The following KCNU1 variants were observed in gnomAD, a reference collection of about 807,000 sequenced individuals.
KCNU1 encodes potassium channel subfamily U member 1.
Under a neutral mutation model 126.8 loss-of-function variants are expected in KCNU1, and 93 were observed. The ratio of observed to expected loss-of-function variants is 0.73; its 90% CI spans 0.62 to 0.87. KCNU1 has a LOEUF of 0.87. KCNU1 is among the 40% of genes least tolerant of loss of function. The pLI, the probability that KCNU1 is intolerant of heterozygous loss-of-function variation, is 0.00. For synonymous variants in KCNU1, 523 were observed against 494.2 expected (o/e 1.06, Z -0.77); for missense variants, 1,330 against 1,367.1 (o/e 0.97, Z 0.43).
chr8:36,872,998 G>T (rs1806156720), intron 19 of KCNU1, among the ~76,000 whole-genome samples: 1 of 152,124 alleles, frequency 6.6e-6, no homozygotes, highest in African/African-American at 2.4e-5. Flanking sequence ...AAAATCACTT[G>T]AACCTGGGAG....
At chr8:36,856,138 G>A (rs1359348715) in intron 18 of KCNU1, among the ~76,000 whole-genome samples, 2 of 152,062 alleles carry the variant, frequency 1.3e-5, no homozygotes, top group East Asian at 3.8e-4. Context: ...TTTGTTTATG[G>A]ATAATGTTTC....
Position 36,845,605 on chromosome 8 carries a change from CAAGTGAGGATACGT to C in KCNU1, c.1733_1746del (p.Val578GlufsTer9). The C allele has an allele frequency of 6.2e-7, 1 of 1,608,376 alleles. No individual in the cohort carries two copies. The highest frequency in any genetic ancestry group is 8.5e-7 in the Non-Finnish European group (1 of 1,175,010). ...TGGTCTGATACTAAATCCACCTCCA[CAAGTGAGGATACGT>C]AAGAACACATTAGGGTTCTTTATTG... On this transcript the variant is annotated frameshift_variant, in exon 17 of 27. Transcript: ENST00000399881. LOFTEE classifies it high-confidence loss of function.
chr8:36,831,297 T>G lies in KCNU1; in HGVS notation c.1107-2257T>G, dbSNP rs538031961. On this transcript the variant is annotated intron_variant, in intron 10 of 26. Transcript: ENST00000399881. ...CCAGTAATGGGATGGTTGGGTCAAG[T>G]GGTATTTCTAGTTCTAGATCCCTGA... Among the ~76,000 whole-genome samples, 661 of 152,210 alleles carry G rather than the reference T, an allele frequency of 4.3e-3. 7 individuals are homozygous for G. The highest frequency in any genetic ancestry group is 0.015 in the African/African-American group (626 of 41,520).
chr8:36,847,677 C>T (rs1385920620), intron 18 of KCNU1, among the ~76,000 whole-genome samples: 5 of 152,170 alleles, frequency 3.3e-5, no homozygotes, highest in African/African-American at 1.2e-4. Flanking sequence ...CATAGTATTT[C>T]ATTGTTTATA....
At position 36,888,304 on chromosome 8, in the gene KCNU1, G is replaced by T. The variant is rs111813843; in HGVS notation, c.2010-17404G>T. On this transcript the variant is annotated intron_variant, in intron 19 of 26. Coordinates refer to ENST00000399881, the MANE Select transcript of KCNU1 (RefSeq NM_001031836.3). ...GGAAATACTAGAAATCAAAACCACA[G>T]TAACAGAAATAGAAAATGCCTTGAT... 7.7e-3 allele frequency among the ~76,000 whole-genome samples: 1,174 copies of T among 152,210 alleles called. 7 individuals are homozygous for T. Among genetic ancestry groups the T allele is most frequent in the South Asian group, 0.023 (111 of 4,816 alleles).
chr8:36,879,413 A>T (rs1806395621), intron 19 of KCNU1, among the ~76,000 whole-genome samples: 2 of 152,052 alleles, frequency 1.3e-5, no homozygotes, highest in Admixed American at 6.6e-5. Flanking sequence ...TATGTCTGGT[A>T]TGCAAGAAAA....
chr8:36,892,886 A>C (rs1023606277), intron 19 of KCNU1, among the ~76,000 whole-genome samples: 3 of 152,098 alleles, frequency 2.0e-5, no homozygotes, highest in African/African-American at 7.2e-5. Flanking sequence ...CTGCACATGC[A>C]CATGGTTTTA....
Position 36,806,372 on chromosome 8 carries a change from A to T in KCNU1, c.572A>T (p.Asn191Ile). Residue 191 changes from asparagine (N) to isoleucine (I), a missense_variant, in exon 5 of 27, where the codon AAT (asparagine) becomes ATT (isoleucine). By Grantham distance (149) the Asn-to-Ile change is moderately radical. Transcript: ENST00000399881. ...TTTATTTCTTATTATTTGAAGAGCA[A>T]TTGGCTAGGTAAGTGTGCTCTGGGA... The part of the protein sequence containing the change: ...PTFISYYLKS[N>I]WLGLRFLRAL... The T allele has an allele frequency of 6.3e-7, 1 of 1,580,530 alleles. No homozygotes were observed. Among genetic ancestry groups the T allele is most frequent in the Non-Finnish European group, 8.7e-7 (1 of 1,152,362 alleles).
At chr8:36,891,744 T>A (rs1362185281) in intron 19 of KCNU1, among the ~76,000 whole-genome samples, 1 of 152,118 alleles carries the variant, frequency 6.6e-6, no homozygotes, top group Non-Finnish European at 1.5e-5. Flanking sequence ...AATTCTTAAC[T>A]GATAAGCCTT....
chr8:36,819,731 CTATTT>C (rs1804052425), intron 10 of KCNU1, among the ~76,000 whole-genome samples: 1 of 152,114 alleles, frequency 6.6e-6, no homozygotes, highest in South Asian at 2.1e-4. Flanking sequence ...TCTCATTACT[CTATTT>C]TATTTCCTTT....
At chr8:36,809,979 T>C (rs1803649882) in intron 7 of KCNU1, among the ~76,000 whole-genome samples, 1 of 152,184 alleles carries the variant, frequency 6.6e-6, no homozygotes, top group African/African-American at 2.4e-5. Context: ...AAGGTTCTAA[T>C]AATCCCACTC....
Position 36,918,833 on chromosome 8 carries a change from A to G in KCNU1, c.2532A>G (p.Pro844=). 6.2e-7 allele frequency: 1 copy of G among 1,602,426 alleles called. No individual in the cohort carries two copies. The highest frequency in any genetic ancestry group is 8.6e-7 in the Non-Finnish European group (1 of 1,169,462). Residue 844 remains proline (P), a synonymous_variant, in exon 23 of 27, where the codon CCA becomes CCG. Coordinates refer to ENST00000399881, the MANE Select transcript of KCNU1 (RefSeq NM_001031836.3). The stretch of plus-strand genomic sequence containing the variant: ...TTTTCTTCTTTGCAGAGGAGACTCC[A>G]GGTTACACAAATGGACATAATGAGA... ...DPSPSVSEET[P]GYTNGHNEKS...
At chr8:36,904,559 C>T (rs141130082) in intron 19 of KCNU1, among the ~76,000 whole-genome samples, 131 of 152,286 alleles carry the variant, frequency 8.6e-4, no homozygotes, top group African/African-American at 2.9e-3. Flanking sequence ...CTGGCAGAGA[C>T]AGAAATGCTC....
intron 22 of KCNU1, among the ~76,000 whole-genome samples, chr8:36,911,893 T>C (rs1807888999): frequency 6.6e-6 from 1 of 152,204 alleles, no homozygotes; most frequent in African/African-American, 2.4e-5. Context: ...GTGATTTTCC[T>C]TCTCCCTCAA....
intron 19 of KCNU1, among the ~76,000 whole-genome samples, chr8:36,901,327 C>T (rs188179787): frequency 6.6e-6 from 1 of 152,226 alleles, no homozygotes; most frequent in African/African-American, 2.4e-5. Flanking sequence ...TGACTGGCAA[C>T]CAAAGGCACA....
chr8:36,800,428 G>C (rs933875387), intron 2 of KCNU1, among the ~76,000 whole-genome samples: 1 of 152,090 alleles, frequency 6.6e-6, no homozygotes, highest in African/African-American at 2.4e-5. Flanking sequence ...TACAAACAAG[G>C]CTCTGTCTGG....
chr8:36,859,873 A>C (rs754983506), intron 18 of KCNU1, among the ~76,000 whole-genome samples: 2 of 152,220 alleles, frequency 1.3e-5, no homozygotes, highest in Non-Finnish European at 2.9e-5. Context: ...TACATAAAGA[A>C]TATATAAATT....
intron 2 of KCNU1, among the ~76,000 whole-genome samples, chr8:36,794,853 C>T (rs747813804): frequency 1.1e-4 from 17 of 152,040 alleles, no homozygotes; most frequent in Non-Finnish European, 2.2e-4. Context: ...TGCCTGAGCC[C>T]AGGAGGCTGA....
chr8:36,880,551 G>A (rs1031965592), intron 19 of KCNU1, among the ~76,000 whole-genome samples: 1 of 152,088 alleles, frequency 6.6e-6, no homozygotes, highest in Non-Finnish European at 1.5e-5. Context: ...GCAAAACTGC[G>A]TTCTCAAGCA....
Sources: allele counts gnomAD v4.1 joint callset (sites outside exome capture counted in the v4.1 genomes callset), GRCh38; gene constraint gnomAD v4.1.1; transcripts MANE v1.5; gene names NCBI Gene and HGNC (gene_info 2026-07-23, HGNC 2026-07-21).